The following TTLL11 variants were observed in gnomAD, a reference collection of about 807,000 sequenced individuals.
The protein encoded by TTLL11 is tubulin polyglutamylase TTLL11.
TTLL11 carries 42 observed loss-of-function variants against 51.7 expected under a neutral mutation model. The observed-to-expected ratio is 0.81, with a 90% CI of 0.64 to 1.05. TTLL11 has a LOEUF of 1.05. Ranked by LOEUF, TTLL11 falls within the 50% of genes least tolerant of loss-of-function variation. The pLI, the probability that TTLL11 is intolerant of heterozygous loss-of-function variation, is 0.00. For synonymous variants in TTLL11, 381 were observed against 383.5 expected (o/e 0.99, Z 0.08); for missense variants, 799 against 940.4 (o/e 0.85, Z 1.97).
intron 6 of TTLL11, among the ~76,000 whole-genome samples, chr9:121,933,354 C>G (rs1177108052): frequency 6.6e-6 from 1 of 152,104 alleles, no homozygotes; most frequent in African/African-American, 2.4e-5. Flanking sequence ...GGGTTTTCAG[C>G]ACAAGAAACT....
chr9:121,860,453 A>G lies in TTLL11; in HGVS notation c.1734-10T>C. On this transcript the variant is annotated splice_polypyrimidine_tract_variant and intron_variant, in intron 7 of 8. Coordinates refer to ENST00000321582, the MANE Select transcript of TTLL11 (RefSeq NM_001139442.2). ...GCTGAGTTTGCAGCTCCTGCCAACAATGGGAAGTGACATGTCACTGCCAGC... is the reference window on the plus strand; with the variant it reads ...GCTGAGTTTGCAGCTCCTGCCAACAGTGGGAAGTGACATGTCACTGCCAGC... The G allele has an allele frequency of 1.3e-6, 2 of 1,549,438 alleles. No individual in the cohort carries two copies. Among genetic ancestry groups the G allele is most frequent in the South Asian group, 1.2e-5 (1 of 83,924 alleles).
At chr9:121,898,387 T>C (rs1409366326) in intron 6 of TTLL11, among the ~76,000 whole-genome samples, 1 of 152,124 alleles carries the variant, frequency 6.6e-6, no homozygotes, top group East Asian at 1.9e-4. Context: ...AAAGGGGATG[T>C]GGGGGCTTCA....
chr9:121,876,672 A>C (rs1188533315), intron 6 of TTLL11, among the ~76,000 whole-genome samples: 1 of 152,248 alleles, frequency 6.6e-6, no homozygotes, highest in Non-Finnish European at 1.5e-5. Flanking sequence ...ATCTGCCAGC[A>C]CTATGTATTC....
chr9:121,840,361 AG>A (rs1179680031), intron 8 of TTLL11, among the ~76,000 whole-genome samples: 1 of 152,114 alleles, frequency 6.6e-6, no homozygotes, highest in East Asian at 1.9e-4. Context: ...CACAGGCTGG[AG>A]GGGGCAAGTG....
At chr9:121,895,282 TTG>T (rs889884823) in intron 6 of TTLL11, among the ~76,000 whole-genome samples, 2 of 151,828 alleles carry the variant, frequency 1.3e-5, no homozygotes, top group Admixed American at 6.6e-5. Context: ...TGAGCTATGT[TTG>T]TGTGTGTTTG....
At chr9:121,862,202 G>A (rs1456135382) in intron 7 of TTLL11, among the ~76,000 whole-genome samples, 2 of 151,564 alleles carry the variant, frequency 1.3e-5, no homozygotes, top group Admixed American at 1.3e-4. Context: ...CTGGAAATGT[G>A]GAGGGGAGGG....
At chr9:121,918,502 T>C (rs60214866) in intron 6 of TTLL11, among the ~76,000 whole-genome samples, 2,879 of 152,286 alleles carry the variant, frequency 0.019, 98 homozygotes, top group African/African-American at 0.065. Context: ...CTAGGGCAGA[T>C]GGCATTAAGG....
intron 8 of TTLL11, among the ~76,000 whole-genome samples, chr9:121,855,852 G>C (rs1837800630): frequency 6.6e-6 from 1 of 152,186 alleles, no homozygotes; most frequent in South Asian, 2.1e-4. Context: ...ACAGTGGGTG[G>C]CTTTTCTGGG....
chr9:121,980,154 G>A (rs1350012485), intron 4 of TTLL11, among the ~76,000 whole-genome samples: 3 of 150,936 alleles, frequency 2.0e-5, no homozygotes, highest in Non-Finnish European at 3.0e-5. Flanking sequence ...AGAGCATTTG[G>A]TGATCTACCT....
chr9:121,999,380 T>C (rs1172534818), intron 3 of TTLL11, among the ~76,000 whole-genome samples: 1 of 152,156 alleles, frequency 6.6e-6, no homozygotes, highest in Non-Finnish European at 1.5e-5. Flanking sequence ...CTCATTGTCT[T>C]TTCTCTCAAA....
intron 6 of TTLL11, among the ~76,000 whole-genome samples, chr9:121,935,540 C>A (rs1294278139): frequency 2.6e-5 from 4 of 152,144 alleles, no homozygotes; most frequent in Non-Finnish European, 4.4e-5. Context: ...TGAAAAGCCA[C>A]TGAAGTGTTT....
intron 1 of TTLL11, among the ~76,000 whole-genome samples, chr9:122,071,161 C>T (rs985536974): frequency 5.3e-5 from 8 of 152,142 alleles, no homozygotes; most frequent in African/African-American, 1.7e-4. Flanking sequence ...TGTTCCCTTC[C>T]CCTTAGGAGA....
Position 121,826,555 on chromosome 9 carries a change from G to GTATATATATATATATA in TTLL11, c.1841-3677_1841-3676insTATATATATATATATA, listed in dbSNP as rs1230489015. ...TGTGTGTGTATATATATATATGTGT[G>GTATATATATATATATA]TGTATATATATATATATATATATAT... On this transcript the variant is annotated intron_variant, in intron 8 of 8. Transcript: ENST00000321582. 1.1e-3 allele frequency among the ~76,000 whole-genome samples: 53 copies of GTATATATATATATATA among 48,110 alleles called. 2 individuals carry two copies. Among genetic ancestry groups the GTATATATATATATATA allele is most frequent in the African/African-American group, 4.7e-3 (50 of 10,548 alleles). 31.6% of individuals were successfully genotyped at this position (48,110 alleles called of 152,430 possible).
At chr9:122,083,426 G>A (rs1006731315) in intron 1 of TTLL11, among the ~76,000 whole-genome samples, 1 of 152,068 alleles carries the variant, frequency 6.6e-6, no homozygotes, top group Non-Finnish European at 1.5e-5. Flanking sequence ...CCAAAGCATG[G>A]GCAAGAAATA....
intron 6 of TTLL11, among the ~76,000 whole-genome samples, chr9:121,917,818 A>G (rs1009629033): frequency 6.6e-6 from 1 of 152,232 alleles, no homozygotes; most frequent in African/African-American, 2.4e-5. Flanking sequence ...TAGGAAATAA[A>G]TTGCACTTAA....
intron 4 of TTLL11, among the ~76,000 whole-genome samples, chr9:121,986,569 T>A (rs983042020): frequency 1.3e-5 from 2 of 152,136 alleles, no homozygotes; most frequent in Non-Finnish European, 2.9e-5. Flanking sequence ...CTGTGCATCC[T>A]CCCTGGGAAC....
Position 121,994,411 on chromosome 9 carries a change from G to A in TTLL11, c.694-4641C>T, listed in dbSNP as rs530027670. The stretch of plus-strand genomic sequence containing the variant: ...AATAACATTAGCACACGCTTACTGA[G>A]CACTTATTATGGGTCAGGCACTGTT... On this transcript the variant is annotated intron_variant, in intron 3 of 8. Coordinates refer to ENST00000321582, the MANE Select transcript of TTLL11 (RefSeq NM_001139442.2). Among the ~76,000 whole-genome samples, 8 of 152,292 alleles carry A rather than the reference G, an allele frequency of 5.3e-5. 1 individual carries two copies. In the South Asian group the frequency reaches 1.7e-3, roughly 32 times the overall value.
chr9:121,881,002 C>T (rs1838766913), intron 6 of TTLL11, among the ~76,000 whole-genome samples: 1 of 152,210 alleles, frequency 6.6e-6, no homozygotes, highest in South Asian at 2.1e-4. Flanking sequence ...CTCTTGTTCT[C>T]TCACAGTCCC....
At chr9:121,974,708 GCTTTGTATTAATAGT>G (rs1842655854) in intron 5 of TTLL11, among the ~76,000 whole-genome samples, 161 bp downstream of exon 5, 1 of 152,138 alleles carries the variant, frequency 6.6e-6, no homozygotes, top group Non-Finnish European at 1.5e-5. Flanking sequence ...GGTCAGATAG[GCTTTGTATTAATAGT>G]CTATGTTGAG....
Sources: gnomAD v4.1 joint callset for allele counts (sites outside exome capture counted in the v4.1 genomes callset) on GRCh38, gnomAD v4.1.1 for gene constraint, MANE v1.5 for transcripts, NCBI Gene and HGNC (gene_info 2026-07-23, HGNC 2026-07-21) for gene names.